PCDHGB1: variants seen among roughly 807,000 people sequenced by gnomAD.
PCDHGB1 encodes the protein protocadherin gamma subfamily B, 1, also known as protocadherin gamma-B1.
In PCDHGB1, 34 loss-of-function variants were observed where a neutral mutation model predicts 56.6. The ratio of observed to expected loss-of-function variants is 0.60; its 90% CI spans 0.46 to 0.80. The LOEUF is 0.80. Ranked by LOEUF, PCDHGB1 falls within the 30% of genes least tolerant of loss-of-function variation. The pLI, the probability that PCDHGB1 is intolerant of heterozygous loss-of-function variation, is 0.00. For synonymous variants in PCDHGB1, 561 were observed against 505.9 expected, an observed-to-expected ratio of 1.11 and a Z score of -1.46; for missense variants, 1,278 against 1,204.6, an observed-to-expected ratio of 1.06 and a Z score of -0.90.
At chr5:141,445,148 C>A (rs1051995635) in intron 1 of PCDHGB1, among the ~76,000 whole-genome samples, 3 of 152,092 alleles carry the variant, frequency 2.0e-5, no homozygotes, top group Non-Finnish European at 4.4e-5. Context: ...TCTAATTGTT[C>A]ATTTCTAGTT....
intron 1 of PCDHGB1, chr5:141,389,942 G>T: frequency 1.2e-6 from 2 of 1,614,070 alleles, no homozygotes; most frequent in African/African-American, 2.7e-5. Flanking sequence ...AGGCTGAGCT[G>T]CAGTTTTACC....
chr5:141,450,851 G>T (rs1184272833), intron 1 of PCDHGB1, among the ~76,000 whole-genome samples: 1 of 142,602 alleles, frequency 7.0e-6, no homozygotes, highest in Non-Finnish European at 1.5e-5. Context: ...TTGAGATGGG[G>T]TCTTGCTCTG....
chr5:141,489,732 C>CA lies in PCDHGB1; in HGVS notation c.2410-5073dup, dbSNP rs770971020. On this transcript the variant is annotated intron_variant, in intron 1 of 3. Transcript: ENST00000523390. This position sits in a 1 kb window ranked among gnomAD's most constrained non-coding sequence, Gnocchi z 4.5. ...GTGCCCAGGATCCGGATGTGGGCAC[C>CA]AATACTGTGAGCTTTTACACTCTAA... 4.3e-6 allele frequency: 7 copies of CA among 1,614,008 alleles called. No individual in the cohort carries two copies. Among genetic ancestry groups the CA allele is most frequent in the Non-Finnish European group, 5.9e-6 (7 of 1,180,002 alleles).
intron 1 of PCDHGB1, among the ~76,000 whole-genome samples, chr5:141,397,021 AC>A (rs1313075505): frequency 6.6e-6 from 1 of 152,234 alleles, no homozygotes; most frequent in Non-Finnish European, 1.5e-5. Context: ...AAGAAGGTTG[AC>A]CAATGTCCAC....
intron 1 of PCDHGB1, chr5:141,362,423 CAG>C (rs763364016): frequency 6.2e-7 from 1 of 1,614,052 alleles, no homozygotes; most frequent in Admixed American, 1.7e-5. Context: ...TCAGCCAAGA[CAG>C]AGTTCAATTT....
At chr5:141,510,518 G>A (rs904482737) in intron 3 of PCDHGB1, among the ~76,000 whole-genome samples, 9 of 152,112 alleles carry the variant, frequency 5.9e-5, no homozygotes, top group Non-Finnish European at 1.0e-4. Flanking sequence ...CCGTGTCACA[G>A]CCCTGAGAGA....
At chr5:141,418,127 A>G in intron 1 of PCDHGB1, 1 of 1,614,104 alleles carries the variant, frequency 6.2e-7, no homozygotes, top group East Asian at 2.2e-5. Flanking sequence ...GAAGGACCGA[A>G]TAGACCGTGA....
At chr5:141,371,044 G>C in intron 1 of PCDHGB1, 1 of 1,613,964 alleles carries the variant, frequency 6.2e-7, no homozygotes, top group Admixed American at 1.7e-5. Context: ...GCTGTGGATG[G>C]GGGCGAGCCC....
chr5:141,417,963 A>T (rs1260025037), intron 1 of PCDHGB1: 1 of 1,613,258 alleles, frequency 6.2e-7, no homozygotes, highest in Non-Finnish European at 8.5e-7. Flanking sequence ...CCGATCCGCT[A>T]CTCGATTCCG....
At position 141,431,374 on chromosome 5, in the gene PCDHGB1, G is replaced by T. The variant is rs1561851775; in HGVS notation, c.2410-63433G>T. On this transcript the variant is annotated intron_variant, in intron 1 of 3. Coordinates refer to ENST00000523390, the MANE Select transcript of PCDHGB1 (RefSeq NM_018922.3). The surrounding 1 kb of genome is among the most constrained non-coding windows in gnomAD (Gnocchi z 4.8). ...AACGCGCCCTGGACCGCGAAGAAAA[G>T]GCTGCTCACCACCTGGTCCTTACGG... 1.9e-6 allele frequency: 3 copies of T among 1,613,862 alleles called. No individual in the cohort carries two copies. Among genetic ancestry groups the T allele is most frequent in the Non-Finnish European group, 2.5e-6 (3 of 1,180,044 alleles).
intron 1 of PCDHGB1, chr5:141,418,388 T>C: frequency 6.2e-7 from 1 of 1,613,942 alleles, no homozygotes; most frequent in Non-Finnish European, 8.5e-7. Flanking sequence ...TCCTAACGAG[T>C]ATTTCTCATT....
Position 141,432,244 on chromosome 5 carries a change from C to T in PCDHGB1, c.2410-62563C>T. 1 of 1,614,262 alleles carries T rather than the reference C, an allele frequency of 6.2e-7. No homozygotes were observed. Among genetic ancestry groups the T allele is most frequent in the Non-Finnish European group, 8.5e-7 (1 of 1,180,048 alleles). On this transcript the variant is annotated intron_variant, in intron 1 of 3. Coordinates refer to ENST00000523390, the MANE Select transcript of PCDHGB1 (RefSeq NM_018922.3). The surrounding 1 kb of genome is among the most constrained non-coding windows in gnomAD (Gnocchi z 6.0). ...TCACTTATTCCCTGGCTGAGAACAC[C>T]ATCCAAGGGGCAAGCCTATCGTCCT...
chr5:141,409,080 C>T (rs2095221617), intron 1 of PCDHGB1: 1 of 1,613,988 alleles, frequency 6.2e-7, no homozygotes, highest in Non-Finnish European at 8.5e-7. Context: ...CATATGTTCT[C>T]ATTGGATGAG....
chr5:141,485,065 A>G lies in PCDHGB1; in HGVS notation c.2410-9742A>G, dbSNP rs527439590. On this transcript the variant is annotated intron_variant, in intron 1 of 3. Transcript: ENST00000523390. The surrounding 1 kb of genome is among the most constrained non-coding windows in gnomAD (Gnocchi z 5.7). ...TGCGGCGCCGGCCGAACCGCGCCAG[A>G]GCTGGCGCGGGGAAAGGGAGATAGG... The G allele has an allele frequency of 4.2e-5, 37 of 877,696 alleles. No individual in the cohort carries two copies. Among genetic ancestry groups the G allele is most frequent in the Non-Finnish European group, 6.5e-5 (36 of 552,826 alleles). The allele number at this position is 877,696 out of a possible 1,614,324, so 54.4% of individuals were successfully genotyped here. A position where few individuals can be genotyped will look rare whatever the true frequency, so the allele number is the denominator to read the frequency against.
chr5:141,372,171 G>T, intron 1 of PCDHGB1: 1 of 1,613,744 alleles, frequency 6.2e-7, no homozygotes, highest in Non-Finnish European at 8.5e-7. Flanking sequence ...CAAGGTGGTG[G>T]CGGTGGACGC....
intron 1 of PCDHGB1, among the ~76,000 whole-genome samples, chr5:141,456,187 A>G (rs989106132): frequency 3.9e-5 from 6 of 152,084 alleles, no homozygotes; most frequent in African/African-American, 1.4e-4. Flanking sequence ...TAATTTCTTA[A>G]TAACTCCTAC....
intron 1 of PCDHGB1, chr5:141,416,446 G>A (rs192789193): frequency 8.5e-5 from 13 of 152,284 alleles, no homozygotes; most frequent in East Asian, 5.8e-4. Context: ...GTAAATATGG[G>A]TTGGGAAGAC....
At chr5:141,419,086 C>G (rs2096324558) in intron 1 of PCDHGB1, 1 of 1,613,808 alleles carries the variant, frequency 6.2e-7, no homozygotes, top group African/African-American at 1.3e-5. Context: ...CAGATGAGGC[C>G]CTGGATCGGG....
At chr5:141,379,009 A>T (rs1310996873) in intron 1 of PCDHGB1, 1 of 152,210 alleles carries the variant, frequency 6.6e-6, no homozygotes, top group Non-Finnish European at 1.5e-5. Flanking sequence ...ATTTTTCTCC[A>T]GTCATGAGTT....
Sources: gnomAD v4.1 joint callset for allele counts (sites outside exome capture counted in the v4.1 genomes callset) on GRCh38, gnomAD v4.1.1 for gene constraint, Gnocchi (gnomAD v3.1) non-coding constraint, MANE v1.5 for transcripts, NCBI Gene and HGNC (gene_info 2026-07-23, HGNC 2026-07-21) for gene names.